The following ALPK3 variants were observed in gnomAD, a reference collection of about 807,000 sequenced individuals.
ALPK3 encodes alpha-protein kinase 3.
Under a neutral mutation model 140.0 loss-of-function variants are expected in ALPK3, and 102 were observed. That is an observed-to-expected ratio of 0.73 (90% CI 0.62 to 0.86). The LOEUF (loss-of-function observed/expected upper bound fraction) is 0.86, where lower values mean the gene tolerates loss of function less well. Among genes scored for constraint, ALPK3 ranks in the 40% least tolerant of loss-of-function variants. ALPK3 has a pLI of 0.00. For synonymous variants in ALPK3, 938 were observed against 898.5 expected (o/e 1.04, Z -0.79); for missense variants, 2,254 against 2,208.2 (o/e 1.02, Z -0.42).
At chr15:84,831,385 G>A (rs750860085) in intron 3 of ALPK3, among the ~76,000 whole-genome samples, 5 of 152,158 alleles carry the variant, frequency 3.3e-5, no homozygotes, top group African/African-American at 4.8e-5. Flanking sequence ...TCCCCTGGTC[G>A]TGGACTTTTA....
At position 84,839,700 on chromosome 15, in the gene ALPK3, A is replaced by C; in HGVS notation, c.423-2A>C. 6.3e-7 allele frequency: 1 copy of C among 1,595,784 alleles called. No individual in the cohort carries two copies. The highest frequency in any genetic ancestry group is 1.7e-5 in the Admixed American group (1 of 58,384). On this transcript the variant is annotated splice_acceptor_variant, in intron 4 of 13. Coordinates refer to ENST00000258888, the MANE Select transcript of ALPK3 (RefSeq NM_020778.5). LOFTEE classifies it high-confidence loss of function. ...GGTGGCACCTCCCGCTCCTACCTCT[A>C]GGTGTCGAGAAGAAGATGCCGCCAT...
intron 3 of ALPK3, among the ~76,000 whole-genome samples, chr15:84,838,229 A>C (rs1963616757): frequency 6.6e-6 from 1 of 152,216 alleles, no homozygotes; most frequent in African/African-American, 2.4e-5. Context: ...CAGGAACCTG[A>C]AATGAAAGGA....
intron 9 of ALPK3, among the ~76,000 whole-genome samples, chr15:84,860,590 C>T (rs759633523): frequency 1.3e-5 from 2 of 152,250 alleles, no homozygotes; most frequent in Non-Finnish European, 2.9e-5. Context: ...TGGGCACGTA[C>T]TGCTCCTACA....
chr15:84,836,290 T>C (rs940707508), intron 3 of ALPK3, among the ~76,000 whole-genome samples: 5 of 152,114 alleles, frequency 3.3e-5, no homozygotes, highest in African/African-American at 7.2e-5. Flanking sequence ...ATGGAGCTAA[T>C]TGGGGTGTTT....
chr15:84,873,229 AG>A lies in ALPK3; in HGVS notation c.*4778del, dbSNP rs1213531786. On this transcript the variant is annotated 3_prime_UTR_variant, in exon 14 of 14. Coordinates refer to ENST00000258888, the MANE Select transcript of ALPK3 (RefSeq NM_020778.5). ...TTCTGGGTCCTGCCAGAGGGCAGTGAGGGGGTTGATGGGCTGGGTGCATGCC... is the reference window on the plus strand; with the variant it reads ...TTCTGGGTCCTGCCAGAGGGCAGTGAGGGGTTGATGGGCTGGGTGCATGCC... The A allele has an allele frequency of 1.3e-5, 2 of 152,154 alleles. No individual in the cohort carries two copies. The highest frequency in any genetic ancestry group is 2.4e-5 in the African/African-American group (1 of 41,434). The allele number at this position is 152,154 out of a possible 1,614,324, so 9.4% of individuals were successfully genotyped here.
intron 2 of ALPK3, among the ~76,000 whole-genome samples, chr15:84,824,355 T>C (rs1963461921): frequency 6.6e-6 from 1 of 152,232 alleles, no homozygotes; most frequent in South Asian, 2.1e-4. Flanking sequence ...CTCTTTACCC[T>C]TGGCTGAACT....
chr15:84,842,609 T>A (rs1361223880), intron 5 of ALPK3, among the ~76,000 whole-genome samples: 1 of 152,102 alleles, frequency 6.6e-6, no homozygotes, highest in Non-Finnish European at 1.5e-5. Flanking sequence ...CAGGAGGGGC[T>A]TTCCCATGGA....
chr15:84,839,982 C>T lies in ALPK3; in HGVS notation c.703C>T (p.Pro235Ser). ...ATTGAGCGGGGCTCAAGCGCCGGGCCCCTCGGTCCCTACCAGGGAGCCTGA... is the reference window on the plus strand; with the variant it reads ...ATTGAGCGGGGCTCAAGCGCCGGGCTCCTCGGTCCCTACCAGGGAGCCTGA... The part of the protein sequence containing the change: ...RRLSGAQAPG[P>S]SVPTREPEGG... Residue 235 changes from proline to serine, a missense_variant, in exon 5 of 14, where the codon CCC (proline) becomes TCC (serine). Physicochemically the swap from Pro to Ser is moderately conservative, Grantham distance 74 (BLOSUM62 -1). Around this residue, in one of 3 missense-constraint regions of ALPK3, gnomAD observed 2,088 missense variants for 2,022.9 expected, o/e 1.03. Transcript: ENST00000258888. 2.5e-6 allele frequency: 4 copies of T among 1,612,652 alleles called. No homozygotes were observed. The highest frequency in any genetic ancestry group is 1.1e-5 in the South Asian group (1 of 91,014).
intron 5 of ALPK3, among the ~76,000 whole-genome samples, chr15:84,847,208 GGAGAGAGAGAGA>G (rs55944419): frequency 0.23 from 27,301 of 116,410 alleles, 3,208 homozygotes; most frequent in Middle Eastern, 0.38. Flanking sequence ...GGAGAAACGG[GGAGAGAGAGAGA>G]GAGAGAGAGA....
chr15:84,825,301 C>T (rs542100575), intron 2 of ALPK3, among the ~76,000 whole-genome samples: 70 of 152,074 alleles, frequency 4.6e-4, no homozygotes, highest in African/African-American at 1.4e-3. Flanking sequence ...CTCAGCCTCC[C>T]GAGTAGCTGG....
intron 5 of ALPK3, chr15:84,852,533 G>A (rs774275556): frequency 1.0e-4 from 30 of 296,850 alleles, no homozygotes; most frequent in Admixed American, 2.0e-4. Flanking sequence ...CCACCATCGA[G>A]TGCCATGGCA....
intron 5 of ALPK3, among the ~76,000 whole-genome samples, chr15:84,843,329 G>A (rs1963687968): frequency 6.6e-6 from 1 of 152,204 alleles, no homozygotes; most frequent in Non-Finnish European, 1.5e-5. Context: ...TTAGCCGGGT[G>A]TGGTGGCACG....
chr15:84,834,124 TA>T (rs1462278490), intron 3 of ALPK3, among the ~76,000 whole-genome samples: 1 of 152,168 alleles, frequency 6.6e-6, no homozygotes, highest in African/African-American at 2.4e-5. Flanking sequence ...GTAAGTCTAA[TA>T]TAATGACTGT....
chr15:84,818,832 C>T (rs956084227), intron 1 of ALPK3, among the ~76,000 whole-genome samples: 4 of 152,200 alleles, frequency 2.6e-5, no homozygotes, highest in Non-Finnish European at 4.4e-5. Context: ...GGAAAGAATA[C>T]CCCTTTTTCT....
chr15:84,852,170 A>G (rs1181131839), intron 5 of ALPK3, among the ~76,000 whole-genome samples: 1 of 152,236 alleles, frequency 6.6e-6, no homozygotes, highest in Admixed American at 6.5e-5. Context: ...TAGAACAACT[A>G]TAGTAATATG....
intron 5 of ALPK3, among the ~76,000 whole-genome samples, chr15:84,847,217 GA>G (rs1963742117): frequency 1.3e-5 from 1 of 76,776 alleles, no homozygotes; most frequent in African/African-American, 3.6e-5. Context: ...GGGAGAGAGA[GA>G]GAGAGAGAGA....
In ALPK3 at chr15:84,860,031, A is replaced by G; in HGVS notation, c.4094-6A>G. The G allele has an allele frequency of 2.5e-6, 4 of 1,613,918 alleles. No homozygotes were observed. The highest frequency in any genetic ancestry group is 3.4e-6 in the Non-Finnish European group (4 of 1,179,978). On this transcript the variant is annotated splice_region_variant and splice_polypyrimidine_tract_variant and intron_variant, in intron 8 of 13. Coordinates refer to ENST00000258888, the MANE Select transcript of ALPK3 (RefSeq NM_020778.5). ...AGGCACTGCTTTCTTCTTTTTCTGT[A>G]TCTAGTGTTGTCAGGATTCATCTCC... is the stretch of plus-strand genomic sequence containing the variant.
In ALPK3 at chr15:84,867,507, TCCTAGGGGCTACTGGTCCCCACC is replaced by T; in HGVS notation, c.4772+146_4772+168del. On this transcript the variant is annotated intron_variant, in intron 13 of 13. Transcript: ENST00000258888. ...ACACACCCATGGCCATGTGGTAACATCCTAGGGGCTACTGGTCCCCACCCCTTATCTCTGGCCTGGTGTGGCAG... is the reference window on the plus strand; with the variant it reads ...ACACACCCATGGCCATGTGGTAACATCCTTATCTCTGGCCTGGTGTGGCAG... 6 of 905,948 alleles carry T rather than the reference TCCTAGGGGCTACTGGTCCCCACC, an allele frequency of 6.6e-6. No homozygotes were observed. The South Asian group carries it at 8.7e-5, about 13-fold the overall frequency. 56.1% of individuals were successfully genotyped at this position (905,948 alleles called of 1,614,324 possible).
intron 5 of ALPK3, among the ~76,000 whole-genome samples, chr15:84,852,011 A>T (rs1963809240): frequency 6.6e-6 from 1 of 152,200 alleles, no homozygotes; most frequent in Non-Finnish European, 1.5e-5. Context: ...TCCACAGAAG[A>T]TACTTTCCCA....
Sources: allele counts gnomAD v4.1 joint callset (sites outside exome capture counted in the v4.1 genomes callset), GRCh38; gene constraint gnomAD v4.1.1; regional missense constraint gnomAD v4.1.1; transcripts MANE v1.5; gene names NCBI Gene and HGNC (gene_info 2026-07-23, HGNC 2026-07-21).